VPS8: variants seen among roughly 807,000 people sequenced by gnomAD.
VPS8 encodes the protein VPS8 subunit of CORVET complex, also known as vacuolar protein sorting-associated protein 8 homolog.
VPS8 carries 129 observed loss-of-function variants against 216.4 expected under a neutral mutation model. That is an observed-to-expected ratio of 0.60 (90% CI 0.52 to 0.69). VPS8 has a LOEUF of 0.69. Ranked by LOEUF, VPS8 falls within the 30% of genes least tolerant of loss-of-function variation. The pLI, the probability that VPS8 is intolerant of heterozygous loss-of-function variation, is 0.00. For synonymous variants in VPS8, 571 were observed against 565.4 expected (o/e 1.01, Z -0.14); for missense variants, 1,531 against 1,683.5 (o/e 0.91, Z 1.59).
chr3:184,838,615 A>C, intron 5 of VPS8, 99 bp from the exon 6 acceptor site: 1 of 978,794 alleles, frequency 1.0e-6, no homozygotes, highest in Non-Finnish European at 1.5e-6. Context: ...TCTAATCTAA[A>C]TTGATTTGGA....
intron 25 of VPS8, among the ~76,000 whole-genome samples, chr3:184,905,240 C>G (rs1735282019): frequency 6.6e-6 from 1 of 152,196 alleles, no homozygotes; most frequent in South Asian, 2.1e-4. Flanking sequence ...GTTTTGGGTG[C>G]CACATTCAGA....
intron 21 of VPS8, among the ~76,000 whole-genome samples, chr3:184,883,096 T>C (rs1216364563): frequency 6.6e-6 from 1 of 152,198 alleles, no homozygotes; most frequent in Non-Finnish European, 1.5e-5. Flanking sequence ...TTCTTCCTTC[T>C]TGAAAGCCTA....
In VPS8 at chr3:184,946,839, C is replaced by G. The variant is rs1743761362; in HGVS notation, c.3035+6596C>G. ...TGTAAAGTCATTTTAGGGAAAAAAA[C>G]TTTTTTTTCCTTTTCAGTTCTTAGT... is the stretch of plus-strand genomic sequence containing the variant. On this transcript the variant is annotated intron_variant, in intron 36 of 47. Transcript: ENST00000625842. Among the ~76,000 whole-genome samples, 3 of 151,568 alleles carry G rather than the reference C, an allele frequency of 2.0e-5. No individual in the cohort carries two copies. The South Asian group carries it at 6.2e-4, about 31-fold the overall frequency.
chr3:184,839,720 T>G lies in VPS8; in HGVS notation c.503T>G (p.Val168Gly), dbSNP rs1721763657. ...TAIAVSSLIA[V>G]GTSHGLALIF... Reference sequence around the variant, plus strand: ...CAGGCAGTATCCAGTCTGATAGCAGTGGGTACATCTCATGGATTGGCTTTA... The same window carrying G: ...CAGGCAGTATCCAGTCTGATAGCAGGGGGTACATCTCATGGATTGGCTTTA... Residue 168 changes from valine to glycine, a missense_variant, in exon 7 of 48, where the codon GTG (valine) becomes GGG (glycine). Coordinates refer to ENST00000625842, the MANE Select transcript of VPS8 (RefSeq NM_001009921.3). 1 of 1,606,694 alleles carries G rather than the reference T, an allele frequency of 6.2e-7. No individual in the cohort carries two copies. The highest frequency in any genetic ancestry group is 1.1e-5 in the South Asian group (1 of 89,514).
At position 184,982,574 on chromosome 3, in the gene VPS8, G is replaced by A; in HGVS notation, c.3429G>A (p.Trp1143Ter). 1.2e-6 allele frequency: 2 copies of A among 1,612,060 alleles called. No homozygotes were observed. Among genetic ancestry groups the A allele is most frequent in the Non-Finnish European group, 1.7e-6 (2 of 1,179,268 alleles). ...NLNQQQREAL[W>*]FPLLEAMMAP... ...TTTCTCTGACATTATAGGCACTTTG[G>A]TTTCCGTTATTGGAGGCAATGATGG... The change falls in exon 41 of 48, where the codon TGG (tryptophan) becomes TGA (stop). Residue 1143 changes from tryptophan to a stop codon, truncating the protein, a stop_gained. Coordinates refer to ENST00000625842, the MANE Select transcript of VPS8 (RefSeq NM_001009921.3). LOFTEE classifies it high-confidence loss of function.
chr3:185,045,784 A>G (rs1465869461), intron 46 of VPS8, among the ~76,000 whole-genome samples: 5 of 140,928 alleles, frequency 3.5e-5, no homozygotes, highest in Non-Finnish European at 4.6e-5. Flanking sequence ...AAAAAAAAAA[A>G]AGAGGTCTGT....
rs1402013154 is a variant in VPS8 at position 184,826,153 on chromosome 3, C to G, written c.154-10C>G. 2.5e-6 allele frequency: 4 copies of G among 1,591,246 alleles called. No individual in the cohort carries two copies. Among genetic ancestry groups the G allele is most frequent in the Non-Finnish European group, 3.4e-6 (4 of 1,169,268 alleles). On this transcript the variant is annotated splice_polypyrimidine_tract_variant and intron_variant, in intron 2 of 47. Coordinates refer to ENST00000625842, the MANE Select transcript of VPS8 (RefSeq NM_001009921.3). ...TCATTTTGTGAGCACTATTTTTTTT[C>G]TTTATTTAGATTGATGACAAGGAGT... is the stretch of plus-strand genomic sequence containing the variant.
intron 46 of VPS8, among the ~76,000 whole-genome samples, chr3:185,029,567 CTT>C (rs767940348): frequency 7.6e-5 from 11 of 143,970 alleles, no homozygotes; most frequent in Non-Finnish European, 7.7e-5. Flanking sequence ...CAACATGTAT[CTT>C]TTTTTTTTTT....
At chr3:185,025,608 C>T (rs1757232371) in intron 46 of VPS8, among the ~76,000 whole-genome samples, 1 of 152,166 alleles carries the variant, frequency 6.6e-6, no homozygotes, top group African/African-American at 2.4e-5. Flanking sequence ...CTTGTCAAGG[C>T]AGTAGGGGCA....
intron 15 of VPS8, among the ~76,000 whole-genome samples, chr3:184,862,199 G>C (rs915126779): frequency 2.6e-5 from 4 of 152,108 alleles, no homozygotes; most frequent in Non-Finnish European, 4.4e-5. Context: ...TGATTGAGCA[G>C]ATTTTAAGAT....
Position 184,879,800 on chromosome 3 carries a change from C to T in VPS8, c.1735-6310C>T, listed in dbSNP as rs538524161. ...TTGGGAGATGGAGAGCTACTGATCC[C>T]ACTTAGCTCATTTTCAGGCATCTAA... On this transcript the variant is annotated intron_variant, in intron 21 of 47. Transcript: ENST00000625842. Among the ~76,000 whole-genome samples, 5 of 152,276 alleles carry T rather than the reference C, an allele frequency of 3.3e-5. No homozygotes were observed. The East Asian group carries it at 9.7e-4, about 29-fold the overall frequency.
At position 184,998,098 on chromosome 3, in the gene VPS8, A is replaced by C. The variant is rs1026716589; in HGVS notation, c.3836+1597A>C. The stretch of plus-strand genomic sequence containing the variant: ...GGAAGGGGACAGTGAAAGAGACTTC[A>C]GAGGAGCAGAGGCCAAATCATGTAG... On this transcript the variant is annotated intron_variant, in intron 44 of 47. Transcript: ENST00000625842. Among the ~76,000 whole-genome samples the C allele has an allele frequency of 2.0e-5, 3 of 152,214 alleles. No homozygotes were observed. In the South Asian group the frequency reaches 6.2e-4, roughly 32 times the overall value.
chr3:185,031,554 A>G (rs1191810716), intron 46 of VPS8, among the ~76,000 whole-genome samples: 1 of 152,214 alleles, frequency 6.6e-6, no homozygotes, highest in African/African-American at 2.4e-5. Flanking sequence ...GCTGGAGTCT[A>G]GTTGCCTTTA....
intron 29 of VPS8, 77 bp from the exon 30 acceptor site, chr3:184,924,785 C>G: frequency 6.8e-7 from 1 of 1,461,872 alleles, no homozygotes. Context: ...GAGGCTATCC[C>G]GTCTTCTAAT....
intron 36 of VPS8, among the ~76,000 whole-genome samples, chr3:184,953,821 T>C (rs1008008001): frequency 6.6e-6 from 1 of 152,206 alleles, no homozygotes; most frequent in African/African-American, 2.4e-5. Flanking sequence ...TTCCTTATTT[T>C]CATGCTTGAA....
chr3:184,834,608 A>G (rs1425782411), intron 4 of VPS8, 41 bp from the exon 5 acceptor site: 4 of 1,473,936 alleles, frequency 2.7e-6, no homozygotes, highest in South Asian at 1.3e-5. Context: ...CCTTTTCACT[A>G]TTTTTATCTG....
In VPS8 at chr3:184,898,611, A is replaced by G. The variant is rs1733938774; in HGVS notation, c.2051A>G (p.Tyr684Cys). 1 of 1,555,436 alleles carries G rather than the reference A, an allele frequency of 6.4e-7. No homozygotes were observed. The highest frequency in any genetic ancestry group is 1.2e-5 in the South Asian group (1 of 84,148). The change falls in exon 24 of 48, where the codon TAT becomes TGT. Residue 684 changes from tyrosine (Y) to cysteine (C), a missense_variant. This residue lies in a region of VPS8 where 1,318 missense variants were observed against 1,468.4 expected (regional missense o/e 0.90). Transcript: ENST00000625842. Reference protein sequence around the residue: ...WENRLYDAMIYVYNRGMNEFI... With the variant: ...WENRLYDAMICVYNRGMNEFI... ...AATCGTTTATATGATGCTATGATCT[A>G]TGTCTACAACAGAGGCATGAATGAA...
Position 185,052,077 on chromosome 3 carries a change from G to C in VPS8, c.*52G>C. ...AACCAGAGATGATCCCGAGGCAGCT[G>C]GGGAGAGGCCCCGCCTCTGGTGGGC... On this transcript the variant is annotated 3_prime_UTR_variant, in exon 48 of 48. Coordinates refer to ENST00000625842, the MANE Select transcript of VPS8 (RefSeq NM_001009921.3). 1 of 1,551,834 alleles carries C rather than the reference G, an allele frequency of 6.4e-7. No individual in the cohort carries two copies. The highest frequency in any genetic ancestry group is 8.7e-7 in the Non-Finnish European group (1 of 1,151,366).
At chr3:184,943,351 G>T (rs769660232) in intron 36 of VPS8, among the ~76,000 whole-genome samples, 14 of 152,196 alleles carry the variant, frequency 9.2e-5, no homozygotes, top group Non-Finnish European at 8.8e-5. Context: ...AGAGCACATG[G>T]ATTGGTTTAT....
Sources: gnomAD v4.1 joint callset for allele counts (sites outside exome capture counted in the v4.1 genomes callset) on GRCh38, gnomAD v4.1.1 for gene constraint, gnomAD v4.1.1 regional missense constraint, MANE v1.5 for transcripts, NCBI Gene and HGNC (gene_info 2026-07-23, HGNC 2026-07-21) for gene names.